Variants in E2F3 observed in about 807,000 individuals in gnomAD.
E2F3 encodes E2F transcription factor 3, also known as transcription factor E2F3.
Under a neutral mutation model 44.4 loss-of-function variants are expected in E2F3, and 11 were observed. The ratio of observed to expected loss-of-function variants is 0.25; its 90% CI spans 0.16 to 0.41. The LOEUF is 0.41. E2F3 is among the 10% of genes least tolerant of loss of function. E2F3 has a pLI of 1.00. For missense variants in E2F3, 487 were observed against 583.6 expected (o/e 0.83, Z 1.70); for synonymous variants, 249 against 253.0 (o/e 0.98, Z 0.15).
rs892222800 is a variant in E2F3, at chr6:20,490,974, A to G, written c.*544A>G. On this transcript the variant is annotated 3_prime_UTR_variant, in exon 7 of 7. Coordinates refer to ENST00000346618, the MANE Select transcript of E2F3 (RefSeq NM_001949.5). The surrounding 1 kb of genome is among the most constrained non-coding windows in gnomAD (Gnocchi z 4.3). ...TTCAGCTCTTCTTAGGAATATTTAA[A>G]TTACTGTCATAATTCAGTTTAAGCT... is the stretch of plus-strand genomic sequence containing the variant. 8.7e-6 allele frequency: 2 copies of G among 229,706 alleles called. No homozygotes were observed. Among genetic ancestry groups the G allele is most frequent in the African/African-American group, 4.4e-5 (2 of 45,122 alleles). 14.2% of individuals were successfully genotyped at this position (229,706 alleles called of 1,614,324 possible). A position where few individuals can be genotyped will look rare whatever the true frequency, so the allele number is the denominator to read the frequency against.
chr6:20,444,097 C>T lies in E2F3; in HGVS notation c.394-35749C>T, dbSNP rs573873924. Among the ~76,000 whole-genome samples the T allele has an allele frequency of 4.6e-5, 7 of 152,222 alleles. No individual in the cohort carries two copies. In the East Asian group the frequency reaches 9.7e-4, roughly 21 times the overall value. ...TGGTGTGCGCCCATGTTCCCAGCTACTTGGAAGGCTGAGCCCAGGAGGCAG... is the reference window on the plus strand; with the variant it reads ...TGGTGTGCGCCCATGTTCCCAGCTATTTGGAAGGCTGAGCCCAGGAGGCAG... On this transcript the variant is annotated intron_variant, in intron 1 of 6. Transcript: ENST00000346618.
chr6:20,474,937 G>A (rs957597903), intron 1 of E2F3, among the ~76,000 whole-genome samples: 2 of 152,190 alleles, frequency 1.3e-5, no homozygotes, highest in African/African-American at 2.4e-5. Flanking sequence ...CTGAAAAGGG[G>A]AAATGACATA....
chr6:20,452,139 G>A (rs1340480726), intron 1 of E2F3, among the ~76,000 whole-genome samples: 2 of 152,164 alleles, frequency 1.3e-5, no homozygotes, highest in Non-Finnish European at 2.9e-5. Context: ...CCAGCTCTTT[G>A]TACGTCTGGT....
chr6:20,440,614 C>T (rs1760742590), intron 1 of E2F3, among the ~76,000 whole-genome samples: 1 of 152,168 alleles, frequency 6.6e-6, no homozygotes, highest in Non-Finnish European at 1.5e-5. Flanking sequence ...TCTCTGCAAC[C>T]CACTAGAGAA....
At chr6:20,437,188 G>C (rs1045678128) in intron 1 of E2F3, among the ~76,000 whole-genome samples, 2 of 152,170 alleles carry the variant, frequency 1.3e-5, no homozygotes, top group Non-Finnish European at 2.9e-5. Flanking sequence ...GAAGTCCCTT[G>C]GTTGGACCTA....
chr6:20,424,168 G>A (rs561247316), intron 1 of E2F3, among the ~76,000 whole-genome samples: 1 of 145,738 alleles, frequency 6.9e-6, no homozygotes, highest in East Asian at 2.1e-4. Context: ...TTTTCTCCTG[G>A]CTTCATAATT....
At chr6:20,409,793 A>G (rs1361763852) in intron 1 of E2F3, among the ~76,000 whole-genome samples, 4 of 152,210 alleles carry the variant, frequency 2.6e-5, no homozygotes, top group Non-Finnish European at 5.9e-5. Flanking sequence ...CTGAAAGTGA[A>G]ACATAATCTA....
chr6:20,482,949 G>A (rs373720387), intron 4 of E2F3, 29 bp downstream of exon 4: 167 of 1,612,194 alleles, frequency 1.0e-4, no homozygotes, highest in Non-Finnish European at 1.3e-4. Flanking sequence ...GTTCTCTGGG[G>A]GTTAGTGCTT....
intron 1 of E2F3, among the ~76,000 whole-genome samples, chr6:20,445,813 A>T (rs777292911): frequency 3.9e-5 from 6 of 152,254 alleles, no homozygotes; most frequent in Non-Finnish European, 8.8e-5. Context: ...GGTAAGCTAT[A>T]CATACATTTA....
chr6:20,442,691 GGGTGA>G (rs1414225468), intron 1 of E2F3, among the ~76,000 whole-genome samples: 1 of 152,146 alleles, frequency 6.6e-6, no homozygotes, highest in African/African-American at 2.4e-5. Context: ...ATCTCAGGCC[GGGTGA>G]GGTGGCTCAT....
chr6:20,479,945 G>C lies in E2F3; in HGVS notation c.493G>C (p.Asp165His). ...GKGRAALRSP[D>H]SPKTPKSPSE... ...AGGAAGAGCTGCACTACGAAGTCCA[G>C]ATAGTCCAAAAAGTAAGGATCTTTT... The change falls in exon 2 of 7, where the codon GAT becomes CAT. Residue 165 changes from aspartate to histidine, a missense_variant. Around this residue, in one of 3 missense-constraint regions of E2F3, gnomAD observed 238 missense variants for 236.0 expected, o/e 1.01. Coordinates refer to ENST00000346618, the MANE Select transcript of E2F3 (RefSeq NM_001949.5). 4 of 1,609,190 alleles carry C rather than the reference G, an allele frequency of 2.5e-6. No individual in the cohort carries two copies. The highest frequency in any genetic ancestry group is 3.4e-6 in the Non-Finnish European group (4 of 1,177,514).
At position 20,406,502 on chromosome 6, in the gene E2F3, G is replaced by A. The variant is rs73731185; in HGVS notation, c.393+3877G>A. On this transcript the variant is annotated intron_variant, in intron 1 of 6. Transcript: ENST00000346618. ...TTTGTTTACATATATGAAGAGAACTGTTAAAAGTCTTTAAGTGATCTGTAA... is the reference window on the plus strand; with the variant it reads ...TTTGTTTACATATATGAAGAGAACTATTAAAAGTCTTTAAGTGATCTGTAA... 8.3e-3 allele frequency among the ~76,000 whole-genome samples: 1,269 copies of A among 152,312 alleles called. 17 individuals are homozygous for A. The highest frequency in any genetic ancestry group is 0.029 in the African/African-American group (1,201 of 41,552).
chr6:20,475,515 C>T (rs955530105), intron 1 of E2F3, among the ~76,000 whole-genome samples: 2 of 152,126 alleles, frequency 1.3e-5, no homozygotes. Context: ...TCTTTCTGTT[C>T]ACTTTATTTT....
At position 20,492,363 on chromosome 6, in the gene E2F3, C is replaced by T. The variant is rs972480976; in HGVS notation, c.*1933C>T. Reference sequence around the variant, plus strand: ...CTTCAGCCTCCATCCCTGGCCTCCTCCCCTCACACACACTGGACTTGGTAC... The same window carrying T: ...CTTCAGCCTCCATCCCTGGCCTCCTTCCCTCACACACACTGGACTTGGTAC... On this transcript the variant is annotated 3_prime_UTR_variant, in exon 7 of 7. Transcript: ENST00000346618. 4.3e-6 allele frequency: 1 copy of T among 233,580 alleles called. No individual in the cohort carries two copies. Among genetic ancestry groups the T allele is most frequent in the African/African-American group, 2.2e-5 (1 of 45,300 alleles). 14.5% of individuals were successfully genotyped at this position (233,580 alleles called of 1,614,324 possible).
intron 1 of E2F3, among the ~76,000 whole-genome samples, chr6:20,404,177 G>A (rs1365594196): frequency 2.9e-5 from 4 of 138,296 alleles, no homozygotes; most frequent in African/African-American, 1.0e-4. Context: ...TTGTGCTGGA[G>A]GGGGAGGGGG....
In E2F3 at chr6:20,402,018, G is replaced by C; in HGVS notation, c.-215G>C. On this transcript the variant is annotated 5_prime_UTR_variant, in exon 1 of 7. Transcript: ENST00000346618. This position sits in a 1 kb window ranked among gnomAD's most constrained non-coding sequence, Gnocchi z 5.6. The stretch of plus-strand genomic sequence containing the variant: ...CCGCTTGGGGCCCGATATCCGTGCG[G>C]CCGGGACCCTCCTCTCTCCAGAGCC... 1 of 749,728 alleles carries C rather than the reference G, an allele frequency of 1.3e-6. No homozygotes were observed. Among genetic ancestry groups the C allele is most frequent in the Non-Finnish European group, 1.9e-6 (1 of 530,354 alleles). The allele number at this position is 749,728 out of a possible 1,614,324, so 46.4% of individuals were successfully genotyped here.
At position 20,402,651 on chromosome 6, in the gene E2F3, C is replaced by G. The variant is rs1759346053; in HGVS notation, c.393+26C>G. The G allele has an allele frequency of 3.8e-6, 5 of 1,312,492 alleles. No homozygotes were observed. The highest frequency in any genetic ancestry group is 4.8e-6 in the Non-Finnish European group (5 of 1,036,904). 81.3% of individuals were successfully genotyped at this position (1,312,492 alleles called of 1,614,324 possible). A position where few individuals can be genotyped will look rare whatever the true frequency, so the allele number is the denominator to read the frequency against. The stretch of plus-strand genomic sequence containing the variant: ...GTAATACCCTCCCTCCCCACCGTCC[C>G]CAGCCCCGGCGGGAGGTGGGCTCGC... On this transcript the variant is annotated intron_variant, in intron 1 of 6. Coordinates refer to ENST00000346618, the MANE Select transcript of E2F3 (RefSeq NM_001949.5). The surrounding 1 kb of genome is among the most constrained non-coding windows in gnomAD (Gnocchi z 5.6).
At chr6:20,436,893 G>A (rs952855347) in intron 1 of E2F3, among the ~76,000 whole-genome samples, 2 of 152,222 alleles carry the variant, frequency 1.3e-5, no homozygotes, top group Non-Finnish European at 2.9e-5. Context: ...GCTGAGGTGG[G>A]AGGATCACCT....
At chr6:20,422,229 A>G (rs1208449091) in intron 1 of E2F3, among the ~76,000 whole-genome samples, 1 of 152,174 alleles carries the variant, frequency 6.6e-6, no homozygotes, top group Non-Finnish European at 1.5e-5. Context: ...TTCTTTCCTT[A>G]AAGGTCGTGA....
Sources: gnomAD v4.1 joint callset for allele counts (sites outside exome capture counted in the v4.1 genomes callset) on GRCh38, gnomAD v4.1.1 for gene constraint, gnomAD v4.1.1 regional missense constraint, Gnocchi (gnomAD v3.1) non-coding constraint, MANE v1.5 for transcripts, NCBI Gene and HGNC (gene_info 2026-07-23, HGNC 2026-07-21) for gene names.